BMAL2: variants seen among roughly 807,000 people sequenced by gnomAD.
The protein encoded by BMAL2 is basic helix-loop-helix ARNT like 2.
the BMAL2 span, among the ~76,000 whole-genome samples, chr12:27,337,310 C>T: frequency 6.6e-6 from 1 of 152,172 alleles, no homozygotes; most frequent in Admixed American, 6.5e-5. Flanking sequence ...TTACTTACAA[C>T]ATTTCATACA....
At chr12:27,398,182 T>A in the BMAL2 span, among the ~76,000 whole-genome samples, 9 of 152,252 alleles carry the variant, frequency 5.9e-5, no homozygotes, top group Non-Finnish European at 8.8e-5. Context: ...TCCTCAAGAT[T>A]TCAAGTGAAG....
the BMAL2 span, among the ~76,000 whole-genome samples, chr12:27,378,414 T>G: frequency 1.3e-5 from 2 of 152,182 alleles, no homozygotes; most frequent in Admixed American, 1.3e-4. Context: ...AGTTGGATTT[T>G]GAAGAAAGAA....
the BMAL2 span, among the ~76,000 whole-genome samples, chr12:27,369,300 G>GGC: frequency 1.1e-5 from 1 of 92,192 alleles, no homozygotes; most frequent in Non-Finnish European, 2.2e-5. Flanking sequence ...CTTTTTTGGT[G>GGC]GGGGGGGTGG....
chr12:27,349,207 T>A, the BMAL2 span, among the ~76,000 whole-genome samples: 2 of 152,314 alleles, frequency 1.3e-5, no homozygotes, highest in South Asian at 4.1e-4. Flanking sequence ...GTATTTCATA[T>A]TTCATGTCAT....
chr12:27,350,312 G>A, the BMAL2 span, among the ~76,000 whole-genome samples: 2 of 152,134 alleles, frequency 1.3e-5, no homozygotes, highest in African/African-American at 4.8e-5. Flanking sequence ...GTTATCCCTC[G>A]CCCACAAAGG....
the BMAL2 span, among the ~76,000 whole-genome samples, chr12:27,417,156 A>T: frequency 3.9e-5 from 6 of 152,352 alleles, no homozygotes; most frequent in South Asian, 1.2e-3. Context: ...CATTCTATAG[A>T]TAAAGTATGT....
At chr12:27,334,961 C>T in the BMAL2 span, among the ~76,000 whole-genome samples, 2 of 152,216 alleles carry the variant, frequency 1.3e-5, no homozygotes, top group African/African-American at 2.4e-5. Flanking sequence ...CCATGGCTGT[C>T]GCCCATACTC....
At chr12:27,416,189 A>ACT in the BMAL2 span, among the ~76,000 whole-genome samples, 3 of 152,020 alleles carry the variant, frequency 2.0e-5, no homozygotes, top group Non-Finnish European at 4.4e-5. Flanking sequence ...TTTTACTTAA[A>ACT]CTCTCTGTGC....
chr12:27,362,564 C>T, the BMAL2 span, among the ~76,000 whole-genome samples: 4 of 152,082 alleles, frequency 2.6e-5, no homozygotes, highest in South Asian at 4.2e-4. Context: ...CTCATGGTCA[C>T]ACCCCCCTTT....
the BMAL2 span, chr12:27,401,577 GATGGCTC>G: frequency 1.2e-6 from 2 of 1,610,118 alleles, no homozygotes; most frequent in East Asian, 4.5e-5. Flanking sequence ...CAGAGCAAAA[GATGGCTC>G]TTTTGTAACT....
At chr12:27,374,352 A>C in the BMAL2 span, among the ~76,000 whole-genome samples, 1 of 152,222 alleles carries the variant, frequency 6.6e-6, no homozygotes, top group South Asian at 2.1e-4. Context: ...ATATAACAAC[A>C]ATTTACATAG....
the BMAL2 span, chr12:27,422,073 C>A: frequency 3.3e-5 from 5 of 151,784 alleles, no homozygotes; most frequent in African/African-American, 1.2e-4. Flanking sequence ...AGTAATTAAT[C>A]CAGAGGTGGC....
the BMAL2 span, among the ~76,000 whole-genome samples, chr12:27,344,049 A>G: frequency 2.6e-5 from 4 of 152,224 alleles, no homozygotes; most frequent in Admixed American, 6.5e-5. Context: ...TTTGCATGGT[A>G]TAATTCATTA....
At chr12:27,360,819 A>AAAAAAC in the BMAL2 span, among the ~76,000 whole-genome samples, 2 of 149,834 alleles carry the variant, frequency 1.3e-5, no homozygotes, top group Non-Finnish European at 3.0e-5. Flanking sequence ...AAAAAAAAAA[A>AAAAAAC]AAAAAACAGT....
At chr12:27,346,307 C>T in the BMAL2 span, among the ~76,000 whole-genome samples, 1 of 152,204 alleles carries the variant, frequency 6.6e-6, no homozygotes, top group Non-Finnish European at 1.5e-5. Flanking sequence ...GTCACCCAGG[C>T]TGGAGTGCAG....
the BMAL2 span, among the ~76,000 whole-genome samples, chr12:27,406,359 C>T: frequency 1.3e-5 from 2 of 152,154 alleles, no homozygotes; most frequent in Non-Finnish European, 2.9e-5. Context: ...TCAGGTTACC[C>T]ACAAAGGGAA....
At chr12:27,399,165 A>G in the BMAL2 span, among the ~76,000 whole-genome samples, 1 of 152,210 alleles carries the variant, frequency 6.6e-6, no homozygotes, top group Non-Finnish European at 1.5e-5. Flanking sequence ...TGCATGGCTT[A>G]CAACCTGCCC....
chr12:27,351,227 A>G, the BMAL2 span, among the ~76,000 whole-genome samples: 14 of 152,108 alleles, frequency 9.2e-5, no homozygotes, highest in Non-Finnish European at 1.3e-4. Flanking sequence ...GACTCAAGCA[A>G]TCCTCCTGCC....
chr12:27,368,266 A>T, the BMAL2 span: 2 of 1,614,094 alleles, frequency 1.2e-6, no homozygotes, highest in South Asian at 1.1e-5. Context: ...CCATAGGTAA[A>T]GTGTTGAGAG....
Sources: gnomAD v4.1 joint callset for allele counts (sites outside exome capture counted in the v4.1 genomes callset) on GRCh38, gnomAD v4.1.1 for gene constraint, MANE v1.5 for transcripts, NCBI Gene and HGNC (gene_info 2026-07-23, HGNC 2026-07-21) for gene names.